Variants in RORA observed in about 807,000 individuals in gnomAD.
The protein encoded by RORA is RAR related orphan receptor A.
RORA carries 7 observed loss-of-function variants against 69.5 expected under a neutral mutation model. The ratio of observed to expected loss-of-function variants is 0.10; its 90% CI spans 0.06 to 0.19. The LOEUF (loss-of-function observed/expected upper bound fraction) is 0.19. RORA is among the 10% of genes least tolerant of loss of function. RORA has a pLI of 1.00. For missense variants in RORA, 457 were observed against 663.0 expected (o/e 0.69, Z 3.41); for synonymous variants, 261 against 240.8 (o/e 1.08, Z -0.78).
At chr15:60,827,463 A>G (rs1157730032) in intron 1 of RORA, among the ~76,000 whole-genome samples, 3 of 152,252 alleles carry the variant, frequency 2.0e-5, no homozygotes, top group Non-Finnish European at 4.4e-5. Flanking sequence ...AAAGTTATGA[A>G]GAGTGGTTAT....
rs550684297 is a variant in RORA at position 60,763,027 on chromosome 15, T to C, written c.167-84341A>G. On this transcript the variant is annotated intron_variant, in intron 1 of 10. Coordinates refer to ENST00000335670, the MANE Select transcript of RORA (RefSeq NM_134261.3). ...GAAAAAATAACAGGGAAAAAGGCATTTAATTACAAATAAAAGTACTGTTTC... is the reference window on the plus strand; with the variant it reads ...GAAAAAATAACAGGGAAAAAGGCATCTAATTACAAATAAAAGTACTGTTTC... Among the ~76,000 whole-genome samples the C allele has an allele frequency of 1.1e-3, 170 of 148,556 alleles. 1 individual carries two copies. Among genetic ancestry groups the C allele is most frequent in the African/African-American group, 3.8e-3 (152 of 40,316 alleles).
chr15:61,068,695 A>G (rs1203778856), intron 1 of RORA, among the ~76,000 whole-genome samples: 1 of 152,238 alleles, frequency 6.6e-6, no homozygotes, highest in African/African-American at 2.4e-5. Flanking sequence ...TGCTCACATC[A>G]GGAGTCTCAG....
At chr15:61,038,774 C>T (rs1896591241) in intron 1 of RORA, 1 of 152,222 alleles carries the variant, frequency 6.6e-6, no homozygotes, top group Non-Finnish European at 1.5e-5. Flanking sequence ...GTACTTTCGA[C>T]CCAAAAGTCA....
At chr15:61,112,935 A>G (rs2079020274) in intron 1 of RORA, among the ~76,000 whole-genome samples, 6 of 152,164 alleles carry the variant, frequency 3.9e-5, no homozygotes, top group Admixed American at 3.9e-4. Context: ...TGTCCTCTTT[A>G]AGTGGTGGGC....
chr15:60,920,900 C>T (rs1174466780), intron 1 of RORA, among the ~76,000 whole-genome samples: 3 of 152,290 alleles, frequency 2.0e-5, no homozygotes, highest in Non-Finnish European at 4.4e-5. Flanking sequence ...TCTTTTCTTG[C>T]ATTAAACTCA....
At chr15:60,597,226 G>A (rs1470192931) in intron 2 of RORA, among the ~76,000 whole-genome samples, 1 of 151,934 alleles carries the variant, frequency 6.6e-6, no homozygotes, top group Non-Finnish European at 1.5e-5. Context: ...CAATGGTGCA[G>A]GGCTTCTGGG....
At chr15:60,673,654 T>C (rs952158212) in intron 2 of RORA, among the ~76,000 whole-genome samples, 16 of 152,244 alleles carry the variant, frequency 1.1e-4, no homozygotes, top group African/African-American at 3.9e-4. Flanking sequence ...TTAGTTTGTT[T>C]TCCAGTTATG....
At chr15:61,042,313 A>T (rs1896814835) in intron 1 of RORA, among the ~76,000 whole-genome samples, 1 of 152,226 alleles carries the variant, frequency 6.6e-6, no homozygotes, top group African/African-American at 2.4e-5. Context: ...TCCAGGGACA[A>T]CAGTGGTAAC....
intron 2 of RORA, among the ~76,000 whole-genome samples, chr15:60,568,979 T>C (rs1595989118): frequency 6.6e-6 from 1 of 151,836 alleles, no homozygotes; most frequent in African/African-American, 2.4e-5. Flanking sequence ...TATTATGGCA[T>C]TTCCTGGAGT....
intron 2 of RORA, among the ~76,000 whole-genome samples, chr15:60,632,354 G>A (rs987799340): frequency 6.6e-6 from 1 of 151,930 alleles, no homozygotes; most frequent in Non-Finnish European, 1.5e-5. Flanking sequence ...TGATCTGCCC[G>A]CCTCGGCCTC....
chr15:60,521,754 C>T (rs540037433), intron 3 of RORA, among the ~76,000 whole-genome samples: 25 of 152,302 alleles, frequency 1.6e-4, no homozygotes, highest in African/African-American at 6.0e-4. Context: ...TATGTATCTT[C>T]TTCATTGTGG....
At chr15:60,643,310 C>G (rs2069978511) in intron 2 of RORA, among the ~76,000 whole-genome samples, 5 of 152,190 alleles carry the variant, frequency 3.3e-5, no homozygotes, top group Admixed American at 3.3e-4. Context: ...TCTGCTATTG[C>G]TAATGACCTA....
At chr15:60,911,302 A>T (rs1023449062) in intron 1 of RORA, among the ~76,000 whole-genome samples, 1 of 151,828 alleles carries the variant, frequency 6.6e-6, no homozygotes, top group Non-Finnish European at 1.5e-5. Context: ...TATCTGATTC[A>T]CTGGTGGACT....
At chr15:61,212,330 G>A (rs1273919647) in intron 1 of RORA, among the ~76,000 whole-genome samples, 5 of 152,058 alleles carry the variant, frequency 3.3e-5, no homozygotes, top group African/African-American at 7.2e-5. Flanking sequence ...GCAGAGAAAA[G>A]TGAAATGCAA....
chr15:60,842,465 T>C (rs187963327), intron 1 of RORA, among the ~76,000 whole-genome samples: 1 of 152,360 alleles, frequency 6.6e-6, no homozygotes, highest in Non-Finnish European at 1.5e-5. Flanking sequence ...AGATACAGCG[T>C]TAAGCATTGC....
intron 1 of RORA, among the ~76,000 whole-genome samples, chr15:61,048,702 G>C (rs376970625): frequency 6.6e-6 from 1 of 152,156 alleles, no homozygotes; most frequent in Non-Finnish European, 1.5e-5. Flanking sequence ...AGGACCCATA[G>C]AGTCCCCCTG....
At chr15:60,831,665 C>A (rs7174802) in intron 1 of RORA, among the ~76,000 whole-genome samples, 5,159 of 152,232 alleles carry the variant, frequency 0.034, 238 homozygotes, top group African/African-American at 0.098. Flanking sequence ...ACCACACTCT[C>A]CAGATGAATC....
intron 1 of RORA, among the ~76,000 whole-genome samples, chr15:61,177,558 G>A (rs981796336): frequency 1.3e-5 from 2 of 152,106 alleles, no homozygotes; most frequent in East Asian, 1.9e-4. Context: ...CTGTTCGTGC[G>A]TTTTAATGGA....
chr15:60,967,699 T>C (rs1024952715), intron 1 of RORA, among the ~76,000 whole-genome samples: 8 of 152,228 alleles, frequency 5.3e-5, no homozygotes, highest in Non-Finnish European at 1.2e-4. Flanking sequence ...GTGCTTTTCC[T>C]GAATGAGATG....
Sources: allele counts gnomAD v4.1 joint callset (sites outside exome capture counted in the v4.1 genomes callset), GRCh38; gene constraint gnomAD v4.1.1; transcripts MANE v1.5; gene names NCBI Gene and HGNC (gene_info 2026-07-23, HGNC 2026-07-21).